The following DICER1 variants were observed in gnomAD, a reference collection of about 807,000 sequenced individuals.
DICER1 encodes the protein dicer 1, ribonuclease III.
DICER1 carries 43 observed loss-of-function variants against 194.1 expected under a neutral mutation model. The observed-to-expected ratio is 0.22, with a 90% CI of 0.17 to 0.29. The LOEUF (loss-of-function observed/expected upper bound fraction) is 0.29. DICER1 is among the 10% of genes least tolerant of loss of function. The pLI is 1.00. For missense variants in DICER1, 1,608 were observed against 2,317.0 expected (o/e 0.69, Z 6.28); for synonymous variants, 832 against 820.5 (o/e 1.01, Z -0.24).
Position 95,124,448 on chromosome 14 carries a change from G to C in DICER1, c.1124C>G (p.Pro375Arg), listed in dbSNP as rs148758903. Residue 375 changes from proline (P) to arginine (R), a missense_variant, in exon 8 of 27, where the codon CCT (proline) becomes CGT (arginine). Transcript: ENST00000343455. This position sits in a 1 kb window ranked among gnomAD's most constrained non-coding sequence, Gnocchi z 4.5. ...PASLDLKFVTPKVIKLLEILR... is the reference protein window; with the variant it reads ...PASLDLKFVTRKVIKLLEILR... Reference sequence around the variant, plus strand: ...GATTTCGAGCAGTTTGATTACTTTAGGAGTTACAAATTTCAGGTCAAGTGA... The same window carrying C: ...GATTTCGAGCAGTTTGATTACTTTACGAGTTACAAATTTCAGGTCAAGTGA... 3.7e-4 allele frequency: 591 copies of C among 1,614,134 alleles called. 1 individual carries two copies. The highest frequency in any genetic ancestry group is 4.3e-4 in the Non-Finnish European group (509 of 1,180,014).
intron 21 of DICER1, among the ~76,000 whole-genome samples, chr14:95,101,821 G>T (rs1566764290): frequency 6.6e-6 from 1 of 152,160 alleles, no homozygotes; most frequent in African/African-American, 2.4e-5. Context: ...CTTTCCCAGA[G>T]GCTTAGAGAA....
intron 1 of DICER1, among the ~76,000 whole-genome samples, chr14:95,152,335 T>C (rs986405315): frequency 3.3e-5 from 5 of 152,212 alleles, no homozygotes; most frequent in South Asian, 2.1e-4. Context: ...AAAAGCAGAA[T>C]AGTAATAATC....
chr14:95,154,712 G>T (rs1179096793), intron 1 of DICER1, among the ~76,000 whole-genome samples: 1 of 152,172 alleles, frequency 6.6e-6, no homozygotes, highest in African/African-American at 2.4e-5. Context: ...ATGGAATCAG[G>T]AGTTAGTGTT....
rs373734886 is a variant in DICER1, at chr14:95,131,571, T to G, written c.376A>C (p.Asn126His). ...GTCCAAGATGCATTTACTTCTAGGT[T>G]TGAGTATTCCCCAACCTTGAGATCT... ...HSDLKVGEYS[N>H]LEVNASWTKE... Residue 126 changes from asparagine to histidine, a missense_variant, in exon 4 of 27, where the codon AAC becomes CAC. Coordinates refer to ENST00000343455, the MANE Select transcript of DICER1 (RefSeq NM_177438.3). 6.2e-7 allele frequency: 1 copy of G among 1,613,488 alleles called. No homozygotes were observed. The highest frequency in any genetic ancestry group is 8.5e-7 in the Non-Finnish European group (1 of 1,179,404).
chr14:95,133,396 G>C lies in DICER1; in HGVS notation c.63C>G (p.Ser21=), dbSNP rs1484893394. The C allele has an allele frequency of 6.2e-7, 1 of 1,613,970 alleles. No homozygotes were observed. The part of the protein sequence containing the change: ...MAGLQLMTPA[S]SPMGPFFGLP... ...GTCCAAAGAAAGGACCCATTGGTGA[G>C]GAAGCAGGGGTCATGAGCTGCAGGC... Residue 21 remains serine, a synonymous_variant, in exon 2 of 27, where the codon TCC becomes TCG. Coordinates refer to ENST00000343455, the MANE Select transcript of DICER1 (RefSeq NM_177438.3).
chr14:95,140,810 A>G (rs1318519013), intron 1 of DICER1: 1 of 152,238 alleles, frequency 6.6e-6, no homozygotes, highest in Non-Finnish European at 1.5e-5. Flanking sequence ...TAAACTGAAC[A>G]GAAACACATC....
In DICER1 at chr14:95,124,352, T is replaced by C. The variant is rs935586713; in HGVS notation, c.1220A>G (p.Asp407Gly). 1 of 1,614,048 alleles carries C rather than the reference T, an allele frequency of 6.2e-7. No homozygotes were observed. Among genetic ancestry groups the C allele is most frequent in the Admixed American group, 1.7e-5 (1 of 60,024 alleles). The change falls in exon 8 of 27, where the codon GAT becomes GGT. Residue 407 changes from aspartate to glycine, a missense_variant. Asp to Gly is a moderately conservative substitution (Grantham distance 94). Transcript: ENST00000343455. The surrounding 1 kb of genome is among the most constrained non-coding windows in gnomAD (Gnocchi z 4.5). ...SVEWYNNRNQ[D>G]NYVSWSDSED... ...AGAATCACTCCATGACACATAATTA[T>C]CCTGATTTCTATTATTATACCACTC...
intron 11 of DICER1, among the ~76,000 whole-genome samples, chr14:95,113,536 CAT>C (rs753343401): frequency 3.3e-5 from 5 of 152,324 alleles, no homozygotes; most frequent in East Asian, 1.9e-4. Context: ...TAAATAGTAA[CAT>C]GTGTCGAGTG....
At chr14:95,104,610 T>C (rs546900449) in intron 20 of DICER1, among the ~76,000 whole-genome samples, 3 of 152,350 alleles carry the variant, frequency 2.0e-5, no homozygotes, top group South Asian at 2.1e-4. Flanking sequence ...CCAATAAATA[T>C]TGTGGTTATT....
At chr14:95,135,133 C>T (rs994347441) in intron 1 of DICER1, among the ~76,000 whole-genome samples, 11 of 152,158 alleles carry the variant, frequency 7.2e-5, no homozygotes, top group Non-Finnish European at 8.8e-5. Flanking sequence ...CTAAGATCTG[C>T]GGGTCCCATC....
intron 1 of DICER1, among the ~76,000 whole-genome samples, chr14:95,153,304 G>C (rs1895637218): frequency 6.6e-6 from 1 of 152,004 alleles, no homozygotes; most frequent in African/African-American, 2.4e-5. Flanking sequence ...TGAATGGATT[G>C]TTATTTAGCA....
chr14:95,087,766 T>A lies in DICER1; in HGVS notation c.*2732A>T. On this transcript the variant is annotated 3_prime_UTR_variant, in exon 27 of 27. Transcript: ENST00000343455. ...AATCATCATAAGGAATTTCTGCAGT[T>A]GCTTTTTCAAGACACGCCTCCCCAG... 1 of 233,298 alleles carries A rather than the reference T, an allele frequency of 4.3e-6. No individual in the cohort carries two copies. The highest frequency in any genetic ancestry group is 8.5e-6 in the Non-Finnish European group (1 of 118,034). 14.5% of individuals were successfully genotyped at this position (233,298 alleles called of 1,614,324 possible).
rs1376668585 is a variant in DICER1, at chr14:95,106,083, T to C, written c.2945A>G (p.Asn982Ser). 1 of 1,614,048 alleles carries C rather than the reference T, an allele frequency of 6.2e-7. No individual in the cohort carries two copies. Among genetic ancestry groups the C allele is most frequent in the African/African-American group, 1.3e-5 (1 of 74,922 alleles). The change falls in exon 18 of 27, where the codon AAT becomes AGT. Residue 982 changes from asparagine (N) to serine (S), a missense_variant. Asn to Ser is a conservative substitution (Grantham distance 46, BLOSUM62 1). Transcript: ENST00000343455. ...CACATCCAGCAGTGGCTGGTTGAGA[T>C]TGGTTAGGTCAAGGTTGTACTTTGT... Reference protein sequence around the residue: ...YKTKYNLDLTNLNQPLLDVDH... With the variant: ...YKTKYNLDLTSLNQPLLDVDH...
At position 95,087,153 on chromosome 14, in the gene DICER1, T is replaced by A. The variant is rs551852272; in HGVS notation, c.*3345A>T. 1 of 233,182 alleles carries A rather than the reference T, an allele frequency of 4.3e-6. No homozygotes were observed. The highest frequency in any genetic ancestry group is 8.5e-6 in the Non-Finnish European group (1 of 117,816). The allele number at this position is 233,182 out of a possible 1,614,324, so 14.4% of individuals were successfully genotyped here. The stretch of plus-strand genomic sequence containing the variant: ...CCAGGGAGCGACTGAAGAAGCCGAC[T>A]GCCGGGGGAACACCTGGATTCATGA... On this transcript the variant is annotated 3_prime_UTR_variant, in exon 27 of 27. Coordinates refer to ENST00000343455, the MANE Select transcript of DICER1 (RefSeq NM_177438.3).
intron 1 of DICER1, among the ~76,000 whole-genome samples, chr14:95,139,424 T>C (rs1050855348): frequency 6.6e-6 from 1 of 152,222 alleles, no homozygotes; most frequent in African/African-American, 2.4e-5. Context: ...ATGAAAACAA[T>C]GTCCACCTGA....
At chr14:95,095,731 G>A in intron 23 of DICER1, 94 bp downstream of exon 23, 2 of 1,312,760 alleles carry the variant, frequency 1.5e-6, no homozygotes, top group Non-Finnish European at 2.2e-6. Flanking sequence ...CATGAACACT[G>A]TACATGCATA....
At chr14:95,095,207 G>C (rs553376665) in intron 23 of DICER1, 1 of 153,616 alleles carries the variant, frequency 6.5e-6, no homozygotes, top group South Asian at 2.0e-4. Context: ...GTGTTTCACA[G>C]CCTGAAGCTG....
At chr14:95,157,720 C>T (rs770078914), upstream of DICER1, 2 of 152,314 alleles carry the variant, frequency 1.3e-5, no homozygotes, top group East Asian at 1.9e-4. Context: ...TGGACTGGAC[C>T]TTGGCGTTGG....
At chr14:95,134,047 T>C (rs1894176637) in intron 1 of DICER1, among the ~76,000 whole-genome samples, 1 of 152,230 alleles carries the variant, frequency 6.6e-6, no homozygotes, top group Non-Finnish European at 1.5e-5. Flanking sequence ...ACTGATAAAA[T>C]GATAATGTAT....
Sources: gnomAD v4.1 joint callset for allele counts (sites outside exome capture counted in the v4.1 genomes callset) on GRCh38, gnomAD v4.1.1 for gene constraint, Gnocchi (gnomAD v3.1) non-coding constraint, MANE v1.5 for transcripts, NCBI Gene and HGNC (gene_info 2026-07-23, HGNC 2026-07-21) for gene names.